Variants in ZNF451 observed in about 807,000 individuals in gnomAD.
ZNF451 encodes E3 SUMO-protein ligase ZNF451.
ZNF451 carries 80 observed loss-of-function variants against 107.1 expected under a neutral mutation model. That is an observed-to-expected ratio of 0.75 (90% CI 0.62 to 0.90). ZNF451 has a LOEUF of 0.90. Ranked by LOEUF, ZNF451 falls within the 40% of genes least tolerant of loss-of-function variation. The pLI is 0.00. For synonymous variants in ZNF451, 362 were observed against 406.5 expected, an observed-to-expected ratio of 0.89 and a Z score of 1.32; for missense variants, 1,107 against 1,236.2, an observed-to-expected ratio of 0.90 and a Z score of 1.57.
In ZNF451 at chr6:57,148,103, A is replaced by G. The variant is rs772150670; in HGVS notation, c.2018A>G (p.Asp673Gly). Residue 673 changes from aspartate to glycine, a missense_variant, in exon 10 of 15, where the codon GAT becomes GGT. This residue lies in a region of ZNF451 where 608 missense variants were observed against 649.2 expected (regional missense o/e 0.94). Transcript: ENST00000370706. Reference protein sequence around the residue: ...IKIKYFCGLCDLIFNVEEAFL... With the variant: ...IKIKYFCGLCGLIFNVEEAFL... ...ATTAAATACTTCTGTGGGCTTTGTGATCTTATCTTTAATGTGGAAGAAGCA... is the reference window on the plus strand; with the variant it reads ...ATTAAATACTTCTGTGGGCTTTGTGGTCTTATCTTTAATGTGGAAGAAGCA... 1.9e-6 allele frequency: 3 copies of G among 1,614,050 alleles called. No homozygotes were observed. The highest frequency in any genetic ancestry group is 2.5e-6 in the Non-Finnish European group (3 of 1,179,964).
intron 3 of ZNF451, among the ~76,000 whole-genome samples, chr6:57,112,717 C>T (rs1241676295): frequency 6.6e-6 from 1 of 152,042 alleles, no homozygotes. Context: ...GGTTATATCA[C>T]CGTGTGTGGT....
At chr6:57,159,501 A>T in intron 13 of ZNF451, 3 of 533,588 alleles carry the variant, frequency 5.6e-6, no homozygotes, top group Non-Finnish European at 7.2e-6. Flanking sequence ...ACAAATTTGT[A>T]AACTTTCTTA....
chr6:57,125,581 G>C (rs1830892993), intron 4 of ZNF451, among the ~76,000 whole-genome samples: 1 of 152,140 alleles, frequency 6.6e-6, no homozygotes, highest in South Asian at 2.1e-4. Context: ...GTTTCATTCT[G>C]TGAATGGACA....
chr6:57,108,210 C>T (rs1370369233), intron 3 of ZNF451: 3 of 985,234 alleles, frequency 3.0e-6, no homozygotes, highest in African/African-American at 1.7e-5. Flanking sequence ...AGTTAGTAGT[C>T]CTTTTGTAAG....
At chr6:57,100,875 C>G in intron 3 of ZNF451, 1 of 1,549,754 alleles carries the variant, frequency 6.5e-7, no homozygotes, top group Non-Finnish European at 8.7e-7. Context: ...CACTTCTGGT[C>G]CCCCAAGAAT....
At chr6:57,107,243 T>C (rs1829903845) in intron 3 of ZNF451, 1 of 985,312 alleles carries the variant, frequency 1.0e-6, no homozygotes, top group African/African-American at 1.7e-5. Flanking sequence ...TCTGAAAGGA[T>C]GTCTGATCTT....
chr6:57,104,961 T>A (rs1047099498), intron 3 of ZNF451: 1 of 984,670 alleles, frequency 1.0e-6, no homozygotes, highest in African/African-American at 1.7e-5. Flanking sequence ...AGTAATAGAT[T>A]AGTTTCTTGA....
intron 3 of ZNF451, among the ~76,000 whole-genome samples, chr6:57,115,755 C>T (rs935897646): frequency 1.3e-5 from 2 of 152,050 alleles, no homozygotes; most frequent in African/African-American, 4.8e-5. Flanking sequence ...TCCAATTTTC[C>T]CAATATTTTT....
chr6:57,147,770 A>G lies in ZNF451; in HGVS notation c.1685A>G (p.Glu562Gly), dbSNP rs1265632702. The G allele has an allele frequency of 6.2e-7, 1 of 1,613,862 alleles. No individual in the cohort carries two copies. Among genetic ancestry groups the G allele is most frequent in the Non-Finnish European group, 8.5e-7 (1 of 1,179,972 alleles). Residue 562 changes from glutamate to glycine, a missense_variant, in exon 10 of 15, where the codon GAG becomes GGG. Glu to Gly is a moderately conservative substitution (Grantham distance 98). Coordinates refer to ENST00000370706, the MANE Select transcript of ZNF451 (RefSeq NM_001031623.3). ...EFHNGHRYFY[E>G]MDEVEGETLP... The stretch of plus-strand genomic sequence containing the variant: ...CATAATGGACACAGATATTTTTATG[A>G]GATGGATGAGGTAGAAGGTGAAACT...
At chr6:57,140,648 G>A (rs1468696823) in intron 7 of ZNF451, among the ~76,000 whole-genome samples, 1 of 150,794 alleles carries the variant, frequency 6.6e-6, no homozygotes, top group African/African-American at 2.5e-5. Context: ...TATTTCTAGT[G>A]GGAAAAAAAA....
intron 14 of ZNF451, among the ~76,000 whole-genome samples, chr6:57,167,903 C>T (rs1388573947): frequency 6.6e-6 from 1 of 152,156 alleles, no homozygotes; most frequent in Non-Finnish European, 1.5e-5. Context: ...TTATATGCTT[C>T]TCAGATGACA....
chr6:57,094,553 A>G (rs1049158272), intron 2 of ZNF451, among the ~76,000 whole-genome samples: 1 of 152,206 alleles, frequency 6.6e-6, no homozygotes, highest in Admixed American at 6.5e-5. Flanking sequence ...AACAAATGCA[A>G]ATAAAAATAC....
chr6:57,131,215 C>A (rs1483797906), intron 5 of ZNF451, among the ~76,000 whole-genome samples: 1 of 152,042 alleles, frequency 6.6e-6, no homozygotes. Flanking sequence ...GTTGGACAAT[C>A]CATTCTTTAT....
intron 7 of ZNF451, among the ~76,000 whole-genome samples, chr6:57,137,036 C>T (rs1220320919): frequency 2.0e-5 from 3 of 152,090 alleles, no homozygotes; most frequent in Admixed American, 6.6e-5. Context: ...TTCTTCATCC[C>T]TAAAATGGTA....
intron 3 of ZNF451, chr6:57,106,099 C>T: frequency 1.0e-6 from 1 of 985,216 alleles, no homozygotes; most frequent in Non-Finnish European, 1.2e-6. Context: ...CCTGATACAT[C>T]CAGGATAACC....
At chr6:57,112,822 A>T (rs1736279197) in intron 3 of ZNF451, among the ~76,000 whole-genome samples, 1 of 152,208 alleles carries the variant, frequency 6.6e-6, no homozygotes, top group South Asian at 2.1e-4. Context: ...TGTAGAAAAT[A>T]TAAAATGGAA....
chr6:57,107,518 C>A, intron 3 of ZNF451: 1 of 984,378 alleles, frequency 1.0e-6, no homozygotes, highest in Non-Finnish European at 1.2e-6. Context: ...CATGTTCACA[C>A]AAGTTTATTA....
Position 57,091,407 on chromosome 6 carries a change from A to G in ZNF451, c.105+513A>G, listed in dbSNP as rs1352349636. 9 of 136,356 alleles carry G rather than the reference A, an allele frequency of 6.6e-5. No homozygotes were observed. In the East Asian group the frequency reaches 1.7e-3, roughly 26 times the overall value. The allele number at this position is 136,356 out of a possible 1,614,324, so 8.4% of individuals were successfully genotyped here. ...TCCTACATCACTGGGAACATGCTCT[A>G]TTTTTCTGAGTTTGTTCCCTTTGAG... On this transcript the variant is annotated intron_variant, in intron 2 of 14. Transcript: ENST00000370706.
rs772753884 is a variant in ZNF451, at chr6:57,148,482, T to C, written c.2397T>C (p.His799=). The C allele has an allele frequency of 1.2e-6, 2 of 1,614,010 alleles. No individual in the cohort carries two copies. Among genetic ancestry groups the C allele is most frequent in the African/African-American group, 1.3e-5 (1 of 74,930 alleles). The change falls in exon 10 of 15, where the codon CAT becomes CAC. Residue 799 remains histidine, a synonymous_variant. Coordinates refer to ENST00000370706, the MANE Select transcript of ZNF451 (RefSeq NM_001031623.3). ...GTGGCACCTGCACCAAAGCATTTCA[T>C]GATCCTGAGAGTGCACAGCAGCATT... ...IKCGTCTKAF[H]DPESAQQHFH... is the part of the protein sequence containing the mutation.
Sources: gnomAD v4.1 joint callset for allele counts (sites outside exome capture counted in the v4.1 genomes callset) on GRCh38, gnomAD v4.1.1 for gene constraint, gnomAD v4.1.1 regional missense constraint, MANE v1.5 for transcripts, NCBI Gene and HGNC (gene_info 2026-07-23, HGNC 2026-07-21) for gene names.